Variants in VPS13B observed in about 807,000 individuals in gnomAD.
VPS13B encodes intermembrane lipid transfer protein VPS13B.
Under a neutral mutation model 426.4 loss-of-function variants are expected in VPS13B, and 285 were observed. That is an observed-to-expected ratio of 0.67 (90% CI 0.61 to 0.74). The LOEUF (loss-of-function observed/expected upper bound fraction) is 0.74. Among genes scored for constraint, VPS13B ranks in the 30% least tolerant of loss-of-function variants. The pLI, the probability that VPS13B is intolerant of heterozygous loss-of-function variation, is 0.00. For missense variants in VPS13B, 4,537 were observed against 4,782.6 expected (o/e 0.95, Z 1.51); for synonymous variants, 1,676 against 1,676.4 (o/e 1.00, Z 0.01).
At chr8:99,493,110 A>G (rs1820704236) in intron 25 of VPS13B, among the ~76,000 whole-genome samples, 1 of 152,188 alleles carries the variant, frequency 6.6e-6, no homozygotes, top group African/African-American at 2.4e-5. Context: ...TTCTAGAAAA[A>G]TCCCAGTTTA....
chr8:99,239,296 A>T (rs1168929237), intron 17 of VPS13B, among the ~76,000 whole-genome samples: 1 of 152,186 alleles, frequency 6.6e-6, no homozygotes, highest in Non-Finnish European at 1.5e-5. Flanking sequence ...TCTTAAGTAC[A>T]TTGAATTAAG....
At chr8:99,858,435 A>G (rs1207924224) in intron 56 of VPS13B, among the ~76,000 whole-genome samples, 4 of 152,150 alleles carry the variant, frequency 2.6e-5, no homozygotes, top group African/African-American at 4.8e-5. Flanking sequence ...TGCACAAGGG[A>G]ACACTCCCCT....
chr8:99,536,193 C>T (rs1421389680), intron 30 of VPS13B, among the ~76,000 whole-genome samples: 2 of 152,126 alleles, frequency 1.3e-5, no homozygotes, highest in Non-Finnish European at 2.9e-5. Flanking sequence ...AGGTGAGCCG[C>T]CTGCCTTGGC....
chr8:99,274,387 T>C lies in VPS13B; in HGVS notation c.2650+55T>C, dbSNP rs1418098566. On this transcript the variant is annotated intron_variant, in intron 18 of 61. Coordinates refer to ENST00000357162, the MANE Select transcript of VPS13B (RefSeq NM_152564.5). Reference sequence around the variant, plus strand: ...ATTGCCTGTATAGGAGAATTGGCCTTGCGTTTTACAAGGAGCGTTACTGAA... The same window carrying C: ...ATTGCCTGTATAGGAGAATTGGCCTCGCGTTTTACAAGGAGCGTTACTGAA... 30 of 1,613,302 alleles carry C rather than the reference T, an allele frequency of 1.9e-5. No individual in the cohort carries two copies. In the South Asian group the frequency reaches 3.3e-4, roughly 18 times the overall value.
rs188977544 is a variant in VPS13B, at chr8:99,862,039, A to G, written c.11215+93A>G. 368 of 1,405,428 alleles carry G rather than the reference A, an allele frequency of 2.6e-4. No individual in the cohort carries two copies. The African/African-American group carries it at 4.6e-3, about 18-fold the overall frequency. 87.1% of individuals were successfully genotyped at this position (1,405,428 alleles called of 1,614,324 possible). A position where few individuals can be genotyped will look rare whatever the true frequency, so the allele number is the denominator to read the frequency against. On this transcript the variant is annotated intron_variant, in intron 58 of 61. Transcript: ENST00000357162. Reference sequence around the variant, plus strand: ...TGGGCAACTTCGCCTTCTGCCTGGGAATGACCAGGAAATGCTCAGAGAAGG... The same window carrying G: ...TGGGCAACTTCGCCTTCTGCCTGGGGATGACCAGGAAATGCTCAGAGAAGG...
chr8:99,491,788 T>G (rs1820616525), intron 25 of VPS13B, among the ~76,000 whole-genome samples: 1 of 152,180 alleles, frequency 6.6e-6, no homozygotes, highest in African/African-American at 2.4e-5. Context: ...GTTTTTAGCT[T>G]CCTTGCGATG....
chr8:99,387,496 T>A (rs760023846), intron 20 of VPS13B, among the ~76,000 whole-genome samples: 10 of 152,178 alleles, frequency 6.6e-5, no homozygotes, highest in Non-Finnish European at 1.2e-4. Flanking sequence ...GTGCTGAGAT[T>A]ACAGGCATGA....
At position 99,699,830 on chromosome 8, in the gene VPS13B, A is replaced by G. The variant is rs1249677689; in HGVS notation, c.6352A>G (p.Ile2118Val). The change falls in exon 36 of 62, where the codon ATC becomes GTC. Residue 2118 changes from isoleucine (I) to valine (V), a missense_variant. Ile to Val is a conservative substitution (Grantham distance 29). Coordinates refer to ENST00000357162, the MANE Select transcript of VPS13B (RefSeq NM_152564.5). ...TTCTGTTCAAACTACTCAGATTGTG[A>G]TCTCCATGGAAACTGTACCCCATAC... ...KISVQTTQIVISMETVPHTSK... is the reference protein window; with the variant it reads ...KISVQTTQIVVSMETVPHTSK... The G allele has an allele frequency of 6.2e-7, 1 of 1,613,692 alleles. No individual in the cohort carries two copies. The highest frequency in any genetic ancestry group is 8.5e-7 in the Non-Finnish European group (1 of 1,179,874).
intron 7 of VPS13B, chr8:99,120,112 C>G (rs376257916): frequency 6.6e-6 from 1 of 152,360 alleles, no homozygotes; most frequent in Non-Finnish European, 1.5e-5. Flanking sequence ...AGGCTGGTCT[C>G]GAACTCCTGA....
chr8:99,566,696 G>A (rs1297714009), intron 31 of VPS13B, among the ~76,000 whole-genome samples: 2 of 152,164 alleles, frequency 1.3e-5, no homozygotes, highest in Non-Finnish European at 2.9e-5. Context: ...ACCAGCCTTG[G>A]CCTCCCAAAG....
chr8:99,389,080 C>T (rs1383975989), intron 20 of VPS13B, among the ~76,000 whole-genome samples: 1 of 151,960 alleles, frequency 6.6e-6, no homozygotes, highest in African/African-American at 2.4e-5. Flanking sequence ...ACCCGGAGGG[C>T]AGATGTTGCA....
chr8:99,875,768 T>G lies in VPS13B; in HGVS notation c.*102T>G. 1 of 1,493,456 alleles carries G rather than the reference T, an allele frequency of 6.7e-7. No homozygotes were observed. Among genetic ancestry groups the G allele is most frequent in the South Asian group, 1.2e-5 (1 of 85,998 alleles). The allele number at this position is 1,493,456 out of a possible 1,614,324, so 92.5% of individuals were successfully genotyped here. On this transcript the variant is annotated 3_prime_UTR_variant, in exon 62 of 62. Coordinates refer to ENST00000357162, the MANE Select transcript of VPS13B (RefSeq NM_152564.5). The stretch of plus-strand genomic sequence containing the variant: ...CCCTTGCTGACCTCAAATTCTGGGG[T>G]TCAAGCAATCCTCCCACCTCAACCC...
At chr8:99,732,427 A>G (rs1833644155) in intron 39 of VPS13B, among the ~76,000 whole-genome samples, 1 of 152,216 alleles carries the variant, frequency 6.6e-6, no homozygotes, top group South Asian at 2.1e-4. Flanking sequence ...CTTTATGGAT[A>G]TGCCTTGGAA....
chr8:99,793,686 A>G (rs567245027), intron 43 of VPS13B, among the ~76,000 whole-genome samples: 1 of 152,272 alleles, frequency 6.6e-6, no homozygotes, highest in Non-Finnish European at 1.5e-5. Context: ...TGTTTGAGAG[A>G]CAGAGAATGG....
In VPS13B at chr8:99,728,102, T is replaced by G. The variant is rs564726122; in HGVS notation, c.7050+7055T>G. ...GGCAGTTATACATCTCATGGTAACT[T>G]AATAACATAACTTGGCATTTTGTTT... On this transcript the variant is annotated intron_variant, in intron 39 of 61. Coordinates refer to ENST00000357162, the MANE Select transcript of VPS13B (RefSeq NM_152564.5). 2.6e-5 allele frequency among the ~76,000 whole-genome samples: 4 copies of G among 152,340 alleles called. No individual in the cohort carries two copies. The East Asian group carries it at 5.8e-4, about 22-fold the overall frequency.
chr8:99,261,189 AT>A (rs1469212957), intron 17 of VPS13B, among the ~76,000 whole-genome samples: 1 of 151,994 alleles, frequency 6.6e-6, no homozygotes, highest in African/African-American at 2.4e-5. Context: ...CATTCTATGG[AT>A]TTGGGAAAAT....
At chr8:99,797,373 G>A (rs1378960743) in intron 43 of VPS13B, among the ~76,000 whole-genome samples, 2 of 151,914 alleles carry the variant, frequency 1.3e-5, no homozygotes, top group African/African-American at 4.8e-5. Flanking sequence ...CAAAAGTGCT[G>A]GGATTACAAG....
At chr8:99,596,913 G>A (rs1827047409) in intron 33 of VPS13B, among the ~76,000 whole-genome samples, 1 of 152,014 alleles carries the variant, frequency 6.6e-6, no homozygotes, top group Non-Finnish European at 1.5e-5. Flanking sequence ...TAGCTAGAGA[G>A]TCTTCAGGGT....
At chr8:99,703,219 G>A (rs1213655878) in intron 36 of VPS13B, among the ~76,000 whole-genome samples, 1 of 152,030 alleles carries the variant, frequency 6.6e-6, no homozygotes, top group Non-Finnish European at 1.5e-5. Flanking sequence ...AAACGAAATG[G>A]TTAAATATTT....
Sources: allele counts gnomAD v4.1 joint callset (sites outside exome capture counted in the v4.1 genomes callset), GRCh38; gene constraint gnomAD v4.1.1; transcripts MANE v1.5; gene names NCBI Gene and HGNC (gene_info 2026-07-23, HGNC 2026-07-21).